Variants in CUL3 observed in about 807,000 individuals in gnomAD.
CUL3 encodes the protein cullin-3.
In CUL3, 19 loss-of-function variants were observed where a neutral mutation model predicts 89.1. The ratio of observed to expected loss-of-function variants is 0.21; its 90% CI spans 0.15 to 0.31. The LOEUF (loss-of-function observed/expected upper bound fraction) is 0.31, where lower values mean the gene tolerates loss of function less well. Among genes scored for constraint, CUL3 ranks in the 10% least tolerant of loss-of-function variants. CUL3 has a pLI of 1.00. For missense variants in CUL3, 469 were observed against 942.3 expected (o/e 0.50, Z 6.58); for synonymous variants, 351 against 308.4 (o/e 1.14, Z -1.45).
At chr2:224,539,344 C>T (rs1295242513) in intron 2 of CUL3, among the ~76,000 whole-genome samples, 1 of 152,204 alleles carries the variant, frequency 6.6e-6, no homozygotes, top group Non-Finnish European at 1.5e-5. Context: ...ATCTCATACA[C>T]TGCCAGTGGG....
At chr2:224,570,395 T>C (rs1695156274) in intron 1 of CUL3, among the ~76,000 whole-genome samples, 1 of 152,208 alleles carries the variant, frequency 6.6e-6, no homozygotes, top group Non-Finnish European at 1.5e-5. Flanking sequence ...CATTTGCTTG[T>C]GGCCAGAGAA....
At chr2:224,548,564 C>T (rs544930707) in intron 2 of CUL3, among the ~76,000 whole-genome samples, 2 of 152,004 alleles carry the variant, frequency 1.3e-5, no homozygotes, top group Admixed American at 1.3e-4. Flanking sequence ...ATGAGGTTAC[C>T]ATGTTATTTG....
intron 1 of CUL3, among the ~76,000 whole-genome samples, chr2:224,583,914 G>A (rs556237431): frequency 3.3e-4 from 50 of 152,330 alleles, no homozygotes; most frequent in African/African-American, 1.0e-3. Flanking sequence ...AAGAAGGGAA[G>A]ACCAAGATCT....
chr2:224,576,895 C>A, intron 1 of CUL3, among the ~76,000 whole-genome samples: 1 of 152,198 alleles, frequency 6.6e-6, no homozygotes, highest in East Asian at 1.9e-4. Flanking sequence ...TTTGAAGCCA[C>A]CCCTCAAGAG....
At chr2:224,573,174 A>G (rs1208829898) in intron 1 of CUL3, among the ~76,000 whole-genome samples, 1 of 151,646 alleles carries the variant, frequency 6.6e-6, no homozygotes, top group Non-Finnish European at 1.5e-5. Flanking sequence ...TGTTTAATCT[A>G]TCTCTTTAGT....
chr2:224,558,370 T>C (rs912171236), intron 1 of CUL3, among the ~76,000 whole-genome samples: 1 of 152,164 alleles, frequency 6.6e-6, no homozygotes, highest in Non-Finnish European at 1.5e-5. Context: ...CTCACTCTAC[T>C]CTTCTAGATG....
intron 3 of CUL3, among the ~76,000 whole-genome samples, chr2:224,517,545 C>T (rs191380352): frequency 3.0e-4 from 45 of 152,208 alleles, no homozygotes; most frequent in Admixed American, 1.4e-3. Context: ...TGTTGGTGCG[C>T]GCCTGTAGTC....
At chr2:224,528,644 C>T (rs1693571954) in intron 3 of CUL3, among the ~76,000 whole-genome samples, 1 of 152,076 alleles carries the variant, frequency 6.6e-6, no homozygotes, top group African/African-American at 2.4e-5. Context: ...GACTAGAATA[C>T]CAAAAGAGAG....
At chr2:224,490,486 G>A (rs1001173828) in intron 13 of CUL3, among the ~76,000 whole-genome samples, 1 of 151,692 alleles carries the variant, frequency 6.6e-6, no homozygotes, top group Non-Finnish European at 1.5e-5. Context: ...GGGCCCTACC[G>A]GTTTCCGCGT....
intron 1 of CUL3, among the ~76,000 whole-genome samples, chr2:224,564,801 C>T (rs1350119653): frequency 1.3e-5 from 2 of 152,032 alleles, no homozygotes; most frequent in Non-Finnish European, 2.9e-5. Context: ...GCTCCAGACA[C>T]AGATCAAACT....
rs549405902 is a variant in CUL3, at chr2:224,491,013, A to G, written c.1842+4819T>C. On this transcript the variant is annotated intron_variant, in intron 13 of 15. Transcript: ENST00000264414. Reference sequence around the variant, plus strand: ...AAAAATTATAAATTAAAAAAACGTGATATGGTATGTTTTGTTATTAGGACA... The same window carrying G: ...AAAAATTATAAATTAAAAAAACGTGGTATGGTATGTTTTGTTATTAGGACA... Among the ~76,000 whole-genome samples the G allele has an allele frequency of 5.9e-5, 9 of 152,246 alleles. 1 individual carries two copies. The East Asian group carries it at 1.7e-3, about 29-fold the overall frequency.
Position 224,472,053 on chromosome 2 carries a change from A to G in CUL3, c.*2192T>C, listed in dbSNP as rs3768898. The G allele has an allele frequency of 0.18, 40,965 of 230,492 alleles. 4,185 individuals carry two copies. The highest frequency in any genetic ancestry group is 0.29 in the East Asian group (4,680 of 16,104). 14.3% of individuals were successfully genotyped at this position (230,492 alleles called of 1,614,324 possible). On this transcript the variant is annotated 3_prime_UTR_variant, in exon 16 of 16. Transcript: ENST00000264414. ...TTATGACCTAAAATAATACTTATGC[A>G]GTCAAACATATAAACATTTTGTGTG...
At chr2:224,550,557 T>C (rs1021162861) in intron 2 of CUL3, among the ~76,000 whole-genome samples, 4 of 152,186 alleles carry the variant, frequency 2.6e-5, no homozygotes, top group Non-Finnish European at 5.9e-5. Context: ...AAAACTAACC[T>C]GTTCAAAATG....
chr2:224,553,266 A>C lies in CUL3; in HGVS notation c.264+4393T>G, dbSNP rs192979031. Among the ~76,000 whole-genome samples, 163 of 152,344 alleles carry C rather than the reference A, an allele frequency of 1.1e-3. 1 individual carries two copies. Among genetic ancestry groups the C allele is most frequent in the African/African-American group, 3.7e-3 (153 of 41,580 alleles). ...CACAGAAACTAGCAGAGGCTTCAAA[A>C]CCTAATTCACTGTAAATAATCAATG... On this transcript the variant is annotated intron_variant, in intron 2 of 15. Coordinates refer to ENST00000264414, the MANE Select transcript of CUL3 (RefSeq NM_003590.5).
At chr2:224,575,311 A>G (rs77329592) in intron 1 of CUL3, among the ~76,000 whole-genome samples, 1 of 152,230 alleles carries the variant, frequency 6.6e-6, no homozygotes. Context: ...GCTCAGAGGC[A>G]CTGAGAGTCC....
intron 13 of CUL3, among the ~76,000 whole-genome samples, chr2:224,482,640 T>A (rs1352057572): frequency 1.3e-5 from 2 of 151,770 alleles, no homozygotes; most frequent in Admixed American, 1.3e-4. Flanking sequence ...AAGCAATCTG[T>A]TTTGAAGTTC....
intron 1 of CUL3, among the ~76,000 whole-genome samples, chr2:224,576,357 C>T (rs1695297385): frequency 6.6e-6 from 1 of 152,148 alleles, no homozygotes; most frequent in Non-Finnish European, 1.5e-5. Flanking sequence ...ACTCCCAATT[C>T]AGGGTCACTG....
At chr2:224,510,296 TTTG>T (rs1258324678) in intron 6 of CUL3, among the ~76,000 whole-genome samples, 1 of 142,076 alleles carries the variant, frequency 7.0e-6, no homozygotes, top group South Asian at 2.3e-4. Flanking sequence ...TCTAGTTTTT[TTTG>T]TTTTTTTTTT....
chr2:224,511,023 G>C (rs922752874), intron 6 of CUL3, among the ~76,000 whole-genome samples: 1 of 152,168 alleles, frequency 6.6e-6, no homozygotes, highest in Non-Finnish European at 1.5e-5. Context: ...GGACTAAAGA[G>C]AGCCCACACC....
Sources: allele counts gnomAD v4.1 joint callset (sites outside exome capture counted in the v4.1 genomes callset), GRCh38; gene constraint gnomAD v4.1.1; transcripts MANE v1.5; gene names NCBI Gene and HGNC (gene_info 2026-07-23, HGNC 2026-07-21).